DIPK1A: variants seen among roughly 807,000 people sequenced by gnomAD.
DIPK1A encodes divergent protein kinase domain 1A, also known as family with sequence similarity 69 member A.
DIPK1A carries 27 observed loss-of-function variants against 40.8 expected under a neutral mutation model. The ratio of observed to expected loss-of-function variants is 0.66; its 90% CI spans 0.49 to 0.91. The LOEUF (loss-of-function observed/expected upper bound fraction) is 0.91. DIPK1A is among the 40% of genes least tolerant of loss of function. The pLI, the probability that DIPK1A is intolerant of heterozygous loss-of-function variation, is 0.00. For missense variants in DIPK1A, 412 were observed against 505.7 expected, an observed-to-expected ratio of 0.81 and a Z score of 1.78; for synonymous variants, 166 against 171.3, an observed-to-expected ratio of 0.97 and a Z score of 0.24.
At chr1:92,906,976 G>A (rs917889936) in intron 1 of DIPK1A, among the ~76,000 whole-genome samples, 18 of 152,196 alleles carry the variant, frequency 1.2e-4, no homozygotes, top group African/African-American at 4.3e-4. Context: ...AGAAGTCAGT[G>A]TCTGGGTTCA....
At chr1:92,881,904 T>C (rs544106517) in intron 1 of DIPK1A, among the ~76,000 whole-genome samples, 5 of 152,338 alleles carry the variant, frequency 3.3e-5, no homozygotes, top group Non-Finnish European at 7.3e-5. Context: ...CTTTTTTAGT[T>C]AGAAAAAACT....
intron 1 of DIPK1A, among the ~76,000 whole-genome samples, chr1:92,916,247 T>A (rs1269478451): frequency 1.3e-5 from 2 of 150,924 alleles, no homozygotes; most frequent in African/African-American, 4.9e-5. Flanking sequence ...TTATAGTATA[T>A]GAATTTTATT....
At chr1:92,850,258 C>G (rs1381730648) in intron 3 of DIPK1A, among the ~76,000 whole-genome samples, 1 of 152,178 alleles carries the variant, frequency 6.6e-6, no homozygotes, top group Non-Finnish European at 1.5e-5. Context: ...GCGTGAGCCA[C>G]CGCACCAGGT....
chr1:92,927,434 T>C (rs1277581403), intron 1 of DIPK1A, among the ~76,000 whole-genome samples: 1 of 142,454 alleles, frequency 7.0e-6, no homozygotes, highest in African/African-American at 2.6e-5. Flanking sequence ...CTCAAACTCC[T>C]GGGCTCAAGC....
At chr1:92,833,730 G>C in intron 4 of DIPK1A, 1 of 1,252,630 alleles carries the variant, frequency 8.0e-7, no homozygotes, top group East Asian at 2.3e-5. Context: ...CAAAGCACAT[G>C]GTGTGTGTGT....
chr1:92,835,446 A>C (rs1248817295), intron 4 of DIPK1A, among the ~76,000 whole-genome samples: 1 of 151,430 alleles, frequency 6.6e-6, no homozygotes, highest in South Asian at 2.1e-4. Flanking sequence ...TGAGGTCAGG[A>C]GTTTGAGACT....
chr1:92,898,356 A>G (rs1649270181), intron 1 of DIPK1A, among the ~76,000 whole-genome samples: 1 of 152,102 alleles, frequency 6.6e-6, no homozygotes, highest in South Asian at 2.1e-4. Flanking sequence ...TAACCCACTC[A>G]TCACCAAGGG....
chr1:92,916,815 T>G (rs1650073014), intron 1 of DIPK1A, among the ~76,000 whole-genome samples: 1 of 152,202 alleles, frequency 6.6e-6, no homozygotes, highest in African/African-American at 2.4e-5. Flanking sequence ...GGGGCTCAGA[T>G]TCCAGAGTTC....
intron 1 of DIPK1A, among the ~76,000 whole-genome samples, chr1:92,921,835 A>G (rs913081795): frequency 2.0e-5 from 3 of 152,218 alleles, no homozygotes; most frequent in African/African-American, 7.2e-5. Flanking sequence ...CTCTCCACCT[A>G]AAGAACAATT....
chr1:92,911,809 T>C (rs919730360), intron 1 of DIPK1A, among the ~76,000 whole-genome samples: 2 of 151,906 alleles, frequency 1.3e-5, no homozygotes, highest in African/African-American at 4.8e-5. Flanking sequence ...GAGACCAGCC[T>C]GGCCAACATG....
intron 1 of DIPK1A, among the ~76,000 whole-genome samples, chr1:92,889,156 T>C (rs750302230): frequency 9.2e-5 from 14 of 152,230 alleles, no homozygotes; most frequent in Admixed American, 4.6e-4. Flanking sequence ...TATTCAAGTC[T>C]TTAATCCATT....
chr1:92,905,247 C>T (rs1213208423), intron 1 of DIPK1A, among the ~76,000 whole-genome samples: 1 of 152,208 alleles, frequency 6.6e-6, no homozygotes, highest in Non-Finnish European at 1.5e-5. Flanking sequence ...TCTATAATGG[C>T]TGTACTAACC....
intron 1 of DIPK1A, chr1:92,933,491 G>C (rs1045943714): frequency 2.6e-4 from 39 of 152,308 alleles, no homozygotes; most frequent in African/African-American, 9.2e-4. Context: ...TTGAGGCCAG[G>C]AGTTTGAGAC....
At chr1:92,871,084 G>A (rs1348598752) in intron 2 of DIPK1A, among the ~76,000 whole-genome samples, 1 of 152,096 alleles carries the variant, frequency 6.6e-6, no homozygotes, top group Admixed American at 6.5e-5. Flanking sequence ...TTCATCTTAT[G>A]TATTTATTTT....
intron 1 of DIPK1A, among the ~76,000 whole-genome samples, chr1:92,898,095 T>C (rs1428466909): frequency 3.0e-5 from 4 of 134,298 alleles, no homozygotes; most frequent in African/African-American, 1.1e-4. Context: ...CGAGACTCCA[T>C]CTCAAAAAAA....
chr1:92,847,808 T>G (rs1687688321), intron 3 of DIPK1A, among the ~76,000 whole-genome samples: 1 of 152,208 alleles, frequency 6.6e-6, no homozygotes, highest in Non-Finnish European at 1.5e-5. Context: ...TAATCATAGC[T>G]CATTGCAGCC....
chr1:92,934,670 T>A (rs1650882124), intron 1 of DIPK1A, among the ~76,000 whole-genome samples: 2 of 152,178 alleles, frequency 1.3e-5, no homozygotes, highest in Non-Finnish European at 2.9e-5. Context: ...GAAACATAGA[T>A]ACTATGGAAA....
chr1:92,842,618 C>G lies in DIPK1A; in HGVS notation c.*765G>C. 1.0e-6 allele frequency: 1 copy of G among 985,212 alleles called. No homozygotes were observed. The allele number at this position is 985,212 out of a possible 1,614,324, so 61.0% of individuals were successfully genotyped here. On this transcript the variant is annotated 3_prime_UTR_variant, in exon 5 of 5. Transcript: ENST00000370310. ...TTATTTTAGTCTTGCACTTACAGTC[C>G]CACTTTCACATAGTTCAAAATCAGG...
chr1:92,946,736 A>T (rs1238437307), intron 1 of DIPK1A, among the ~76,000 whole-genome samples: 1 of 152,138 alleles, frequency 6.6e-6, no homozygotes, highest in Non-Finnish European at 1.5e-5. Context: ...TGAGCCCAGG[A>T]GTTTGAGATC....
Sources: gnomAD v4.1 joint callset for allele counts (sites outside exome capture counted in the v4.1 genomes callset) on GRCh38, gnomAD v4.1.1 for gene constraint, MANE v1.5 for transcripts, NCBI Gene and HGNC (gene_info 2026-07-23, HGNC 2026-07-21) for gene names.